The following LRP1B variants were observed in gnomAD, a reference collection of about 807,000 sequenced individuals.
LRP1B encodes the protein low-density lipoprotein receptor-related protein 1B.
A neutral mutation model predicts 556.6 loss-of-function variants in LRP1B; 217 were observed. The observed-to-expected ratio is 0.39, with a 90% CI of 0.35 to 0.44. LRP1B has a LOEUF of 0.44. Among genes scored for constraint, LRP1B ranks in the 20% least tolerant of loss-of-function variants. The probability of loss-of-function intolerance (pLI) is 1.00; values close to 1 mark genes in which losing one functional copy is unlikely to be tolerated. For missense variants in LRP1B, 5,053 were observed against 5,620.8 expected (o/e 0.90, Z 3.23); for synonymous variants, 2,047 against 1,865.8 (o/e 1.10, Z -2.50).
chr2:141,587,702 T>C (rs1353899888), intron 2 of LRP1B, among the ~76,000 whole-genome samples: 1 of 152,170 alleles, frequency 6.6e-6, no homozygotes, highest in Admixed American at 6.5e-5. Context: ...TTTAAAAACA[T>C]AATTACCTTT....
intron 1 of LRP1B, among the ~76,000 whole-genome samples, chr2:141,972,527 T>C (rs955783536): frequency 1.3e-5 from 2 of 151,424 alleles, no homozygotes; most frequent in Admixed American, 6.6e-5. Flanking sequence ...TTTTAAGTTC[T>C]GTATTTTCAA....
chr2:140,766,367 C>A (rs1689104182), intron 35 of LRP1B, among the ~76,000 whole-genome samples: 2 of 151,936 alleles, frequency 1.3e-5, no homozygotes, highest in Admixed American at 1.3e-4. Context: ...ATAAATCAAG[C>A]TGCTGACACT....
intron 37 of LRP1B, among the ~76,000 whole-genome samples, chr2:140,709,910 G>A (rs1686971874): frequency 6.6e-6 from 1 of 151,980 alleles, no homozygotes; most frequent in Non-Finnish European, 1.5e-5. Flanking sequence ...TGGAGAAAGT[G>A]TAGGGAGACA....
chr2:141,401,546 C>T (rs1208382250), intron 3 of LRP1B, among the ~76,000 whole-genome samples: 2 of 152,098 alleles, frequency 1.3e-5, no homozygotes, highest in Non-Finnish European at 2.9e-5. Flanking sequence ...GTCCATGTTA[C>T]ATTGCATTTG....
At chr2:141,002,906 T>C (rs1697466420) in intron 15 of LRP1B, among the ~76,000 whole-genome samples, 1 of 152,058 alleles carries the variant, frequency 6.6e-6, no homozygotes, top group African/African-American at 2.4e-5. Flanking sequence ...TTCAAAGTCA[T>C]ATTCTTGGTC....
intron 84 of LRP1B, among the ~76,000 whole-genome samples, chr2:140,284,610 C>A (rs920873741): frequency 6.6e-6 from 1 of 151,436 alleles, no homozygotes; most frequent in African/African-American, 2.4e-5. Flanking sequence ...TTCCTCCTTT[C>A]TTTCTATCTC....
At chr2:141,831,192 C>T (rs143347608) in intron 1 of LRP1B, among the ~76,000 whole-genome samples, 1 of 151,766 alleles carries the variant, frequency 6.6e-6, no homozygotes, top group Non-Finnish European at 1.5e-5. Context: ...ATAATTTTCA[C>T]ATCCAAGGAC....
At chr2:141,309,493 G>A (rs1458063002) in intron 3 of LRP1B, among the ~76,000 whole-genome samples, 1 of 152,178 alleles carries the variant, frequency 6.6e-6, no homozygotes, top group Non-Finnish European at 1.5e-5. Flanking sequence ...AAGATATTAA[G>A]CCATGAGGAT....
At chr2:140,916,818 T>C (rs1694593707) in intron 21 of LRP1B, among the ~76,000 whole-genome samples, 1 of 150,996 alleles carries the variant, frequency 6.6e-6, no homozygotes, top group African/African-American at 2.5e-5. Flanking sequence ...AACAGAAATG[T>C]TTTTATTATA....
At position 140,238,190 on chromosome 2, in the gene LRP1B, C is replaced by T. The variant is rs758586821; in HGVS notation, c.13522G>A (p.Gly4508Ser). The T allele has an allele frequency of 2.5e-6, 4 of 1,604,726 alleles. No individual in the cohort carries two copies. The Admixed American group carries it at 6.7e-5, about 27-fold the overall frequency. Reference sequence around the variant, plus strand: ...ATCATAAAGCCAGGATCTAAAAGACCTCCATCGTTGTGATCATGATCTACC... The same window carrying T: ...ATCATAAAGCCAGGATCTAAAAGACTTCCATCGTTGTGATCATGATCTACC... ...YEVDHDHNDGGLLDPGFMIDP... is the reference protein window; with the variant it reads ...YEVDHDHNDGSLLDPGFMIDP... The change falls in exon 89 of 91, where the codon GGT becomes AGT. Residue 4508 changes from glycine to serine, a missense_variant. Coordinates refer to ENST00000389484, the MANE Select transcript of LRP1B (RefSeq NM_018557.3).
At chr2:140,902,620 A>G (rs1377729068) in intron 23 of LRP1B, among the ~76,000 whole-genome samples, 1 of 152,186 alleles carries the variant, frequency 6.6e-6, no homozygotes, top group Non-Finnish European at 1.5e-5. Context: ...AAGCATACAC[A>G]GAGAAACAAA....
In LRP1B at chr2:140,516,922, C is replaced by A. The variant is rs781348384; in HGVS notation, c.8116G>T (p.Asp2706Tyr). ...LNTWICDGQK[D>Y]CEDGRDEFHC... ...AATTCATCACGTCCATCCTCACAAT[C>A]TTTCTGACCATCGCATATCCAGGTA... The change falls in exon 50 of 91, where the codon GAT becomes TAT. Residue 2706 changes from aspartate to tyrosine, a missense_variant. By Grantham distance (160) the Asp-to-Tyr change is radical. Around this residue, in one of 5 missense-constraint regions of LRP1B, gnomAD observed 3,619 missense variants for 3,931.9 expected, o/e 0.92. Transcript: ENST00000389484. 1.2e-6 allele frequency: 2 copies of A among 1,613,444 alleles called. No homozygotes were observed. Among genetic ancestry groups the A allele is most frequent in the East Asian group, 4.5e-5 (2 of 44,778 alleles).
At chr2:141,421,250 C>T (rs1680127385) in intron 3 of LRP1B, among the ~76,000 whole-genome samples, 2 of 152,022 alleles carry the variant, frequency 1.3e-5, no homozygotes, top group Admixed American at 6.5e-5. Context: ...CTCTTTCGGC[C>T]GGGCGCGGTG....
chr2:140,783,192 C>A (rs757554494), intron 32 of LRP1B, among the ~76,000 whole-genome samples: 12 of 151,882 alleles, frequency 7.9e-5, no homozygotes, highest in Non-Finnish European at 1.5e-4. Context: ...ATCATTAAAA[C>A]TAATAACTTA....
intron 55 of LRP1B, 81 bp downstream of exon 55, chr2:140,501,606 T>C (rs1461477779): frequency 6.9e-6 from 7 of 1,007,760 alleles, no homozygotes; most frequent in African/African-American, 1.6e-5. Flanking sequence ...TTTAACTTTT[T>C]CATCTATATT....
At chr2:142,045,405 C>G (rs190273422) in intron 1 of LRP1B, among the ~76,000 whole-genome samples, 1 of 151,818 alleles carries the variant, frequency 6.6e-6, no homozygotes, top group African/African-American at 2.4e-5. Flanking sequence ...GCAAATATTA[C>G]GATGACACAT....
chr2:140,757,681 G>A (rs1257654893), intron 35 of LRP1B, among the ~76,000 whole-genome samples: 2 of 152,170 alleles, frequency 1.3e-5, no homozygotes, highest in African/African-American at 2.4e-5. Flanking sequence ...AGGAGTTAGA[G>A]ACGAGCCTGG....
chr2:140,875,513 GGCCTTCACCTC>G (rs1693277996), intron 25 of LRP1B, among the ~76,000 whole-genome samples: 1 of 152,054 alleles, frequency 6.6e-6, no homozygotes, highest in East Asian at 1.9e-4. Flanking sequence ...AAATAATGAA[GGCCTTCACCTC>G]TTTTTTGAAA....
chr2:140,851,748 G>A lies in LRP1B; in HGVS notation c.4615C>T (p.Pro1539Ser), dbSNP rs2105121964. The change falls in exon 28 of 91, where the codon CCC becomes TCC. Residue 1539 changes from proline (P) to serine (S), a missense_variant. Around this residue, in one of 5 missense-constraint regions of LRP1B, gnomAD observed 3,619 missense variants for 3,931.9 expected, o/e 0.92. Coordinates refer to ENST00000389484, the MANE Select transcript of LRP1B (RefSeq NM_018557.3). ...TTGATTAGACACATGTGAGAGCAGG[G>A]GCCTTTGCCATCATTAGCTGCACAA... is the stretch of plus-strand genomic sequence containing the variant. ...NPCAANDGKG[P>S]CSHMCLINHN... 1 of 1,606,896 alleles carries A rather than the reference G, an allele frequency of 6.2e-7. No homozygotes were observed. Among genetic ancestry groups the A allele is most frequent in the Non-Finnish European group, 8.5e-7 (1 of 1,177,712 alleles).
Sources: allele counts gnomAD v4.1 joint callset (sites outside exome capture counted in the v4.1 genomes callset), GRCh38; gene constraint gnomAD v4.1.1; regional missense constraint gnomAD v4.1.1; transcripts MANE v1.5; gene names NCBI Gene and HGNC (gene_info 2026-07-23, HGNC 2026-07-21).